The following MAP3K15 variants were observed in gnomAD, a reference collection of about 807,000 sequenced individuals.
MAP3K15 encodes MAPK/ERK kinase kinase 15.
In MAP3K15, 124 loss-of-function variants were observed where a neutral mutation model predicts 99.5. The ratio of observed to expected loss-of-function variants is 1.25; its 90% CI spans 1.08 to 1.45. The LOEUF is 1.45. Among genes scored for constraint, MAP3K15 ranks in the 40% most tolerant of loss-of-function variants. The pLI, the probability that MAP3K15 is intolerant of heterozygous loss-of-function variation, is 0.00. For missense variants in MAP3K15, 1,242 were observed against 1,079.7 expected, an observed-to-expected ratio of 1.15 and a Z score of -2.11; for synonymous variants, 494 against 439.6, an observed-to-expected ratio of 1.12 and a Z score of -1.55.
At chrX:19,399,190 T>C (rs185467405) in intron 14 of MAP3K15, among the ~76,000 whole-genome samples, 355 of 111,955 alleles carry the variant, frequency 3.2e-3, no homozygotes, top group African/African-American at 0.011. Context: ...CTTGTAATCC[T>C]AGCACTTTGG....
chrX:19,464,291 T>C lies in MAP3K15; in HGVS notation c.641A>G (p.Asp214Gly). The change falls in exon 4 of 29, where the codon GAC becomes GGC. Residue 214 changes from aspartate (D) to glycine (G), a missense_variant. Physicochemically the swap from Asp to Gly is moderately conservative, Grantham distance 94. Transcript: ENST00000338883. Reference protein sequence around the residue: ...RASEYMQPNWDNILGPLCMPL... With the variant: ...RASEYMQPNWGNILGPLCMPL... Reference sequence around the variant, plus strand: ...CATGCACAGCGGGCCCAGGATGTTGTCCCAGTTGGGCTGCATGTACTCGGA... The same window carrying C: ...CATGCACAGCGGGCCCAGGATGTTGCCCCAGTTGGGCTGCATGTACTCGGA... 8.3e-7 allele frequency: 1 copy of C among 1,200,211 alleles called. No individual in the cohort carries two copies. Among genetic ancestry groups the C allele is most frequent in the Non-Finnish European group, 1.1e-6 (1 of 895,122 alleles).
At chrX:19,487,074 T>C (rs1294435306) in intron 2 of MAP3K15, among the ~76,000 whole-genome samples, 2 of 94,158 alleles carry the variant, frequency 2.1e-5, no homozygotes, top group African/African-American at 7.8e-5. Flanking sequence ...GTAAATTTAG[T>C]ATGATAATTA....
At chrX:19,506,035 C>T (rs910932664) in intron 1 of MAP3K15, among the ~76,000 whole-genome samples, 6 of 111,561 alleles carry the variant, frequency 5.4e-5, no homozygotes, top group African/African-American at 1.6e-4. Context: ...CGAGTTCAAG[C>T]GATTCTCCTG....
At position 19,415,118 on chromosome X, in the gene MAP3K15, G is replaced by A; in HGVS notation, c.1579C>T (p.Leu527Phe). ...FEATNEVTNG[L>F]RFPVLVIEPT... ...TTAGCATATCTTACTGGAAATCTGA[G>A]TCCATTAGTGACTTCATTTGTTGCC... The change falls in exon 10 of 29, where the codon CTC becomes TTC. Residue 527 changes from leucine (L) to phenylalanine (F), a missense_variant. By Grantham distance (22) the Leu-to-Phe change is conservative (BLOSUM62 0). Coordinates refer to ENST00000338883, the MANE Select transcript of MAP3K15 (RefSeq NM_001001671.4). The A allele has an allele frequency of 8.6e-7, 1 of 1,158,517 alleles. No individual in the cohort carries two copies. The highest frequency in any genetic ancestry group is 1.1e-6 in the Non-Finnish European group (1 of 875,988).
chrX:19,413,572 C>A (rs1602285168), intron 10 of MAP3K15, 108 bp from the exon 11 acceptor site: 2 of 411,651 alleles, frequency 4.9e-6, no homozygotes, highest in East Asian at 9.9e-5. Flanking sequence ...CACTGAGGGC[C>A]AGGCACAGTG....
At chrX:19,450,921 A>G (rs1346051295) in intron 6 of MAP3K15, among the ~76,000 whole-genome samples, 1 of 109,621 alleles carries the variant, frequency 9.1e-6, no homozygotes, top group East Asian at 2.8e-4. Context: ...TTTTGTTATA[A>G]AAAGTATACA....
chrX:19,415,686 A>G (rs753663079), intron 9 of MAP3K15, among the ~76,000 whole-genome samples: 13 of 110,994 alleles, frequency 1.2e-4, no homozygotes, highest in African/African-American at 3.9e-4. Context: ...AATTTGAAAA[A>G]CTTTGCAGAT....
chrX:19,505,817 G>A (rs1216061152), intron 1 of MAP3K15, among the ~76,000 whole-genome samples: 1 of 107,652 alleles, frequency 9.3e-6, no homozygotes, highest in Admixed American at 1.0e-4. Flanking sequence ...CATGATCTTG[G>A]CTCACTGCAA....
At chrX:19,390,308 T>TC (rs1302429441) in intron 18 of MAP3K15, among the ~76,000 whole-genome samples, 1 of 83,742 alleles carries the variant, frequency 1.2e-5, no homozygotes, top group Non-Finnish European at 2.2e-5. Context: ...TTTTTCTTTT[T>TC]TTTTTTTTTT....
At chrX:19,381,120 ACT>A (rs1372254690) in intron 18 of MAP3K15, among the ~76,000 whole-genome samples, 3 of 110,464 alleles carry the variant, frequency 2.7e-5, no homozygotes, top group African/African-American at 6.6e-5. Context: ...ATAGGGTTTG[ACT>A]CTCTGCCTGG....
At chrX:19,396,995 G>A (rs1016250449) in intron 15 of MAP3K15, among the ~76,000 whole-genome samples, 2 of 109,213 alleles carry the variant, frequency 1.8e-5, no homozygotes, top group South Asian at 8.2e-4. Flanking sequence ...TGCCTCCGGG[G>A]TTCAAGCGAT....
chrX:19,391,305 C>T (rs1435715096), intron 18 of MAP3K15, among the ~76,000 whole-genome samples: 1 of 111,843 alleles, frequency 8.9e-6, no homozygotes, highest in East Asian at 2.8e-4. Flanking sequence ...GCATTACCCA[C>T]GATTTCAGAT....
rs148174570 is a variant in MAP3K15, at chrX:19,408,989, T to G, written c.1748+935A>C. On this transcript the variant is annotated intron_variant, in intron 12 of 28. Coordinates refer to ENST00000338883, the MANE Select transcript of MAP3K15 (RefSeq NM_001001671.4). ...AACTCCTTGAGGACAGAGACCATAT[T>G]TTATTCCCTTTTCTGCTGCTTTGTG... Among the ~76,000 whole-genome samples, 119 of 112,483 alleles carry G rather than the reference T, an allele frequency of 1.1e-3. 1 individual carries two copies. The highest frequency in any genetic ancestry group is 3.7e-3 in the African/African-American group (115 of 31,030).
At chrX:19,477,707 G>GAAAAA (rs770275001) in intron 3 of MAP3K15, among the ~76,000 whole-genome samples, 2 of 20,652 alleles carry the variant, frequency 9.7e-5, no homozygotes, top group African/African-American at 3.3e-4. Flanking sequence ...AAGAGTGTTA[G>GAAAAA]AAAAAAAAAA....
intron 6 of MAP3K15, among the ~76,000 whole-genome samples, chrX:19,437,882 G>T (rs2063933188): frequency 9.0e-6 from 1 of 111,256 alleles, no homozygotes; most frequent in Non-Finnish European, 1.9e-5. Context: ...AAAAACAACA[G>T]TATACCTCCT....
chrX:19,397,883 A>G (rs59970598), intron 15 of MAP3K15, among the ~76,000 whole-genome samples: 4 of 109,255 alleles, frequency 3.7e-5, no homozygotes, highest in East Asian at 2.9e-4. Context: ...TTCGAGACCA[A>G]CCTGACCAAC....
intron 15 of MAP3K15, among the ~76,000 whole-genome samples, chrX:19,396,727 A>G (rs920328163): frequency 3.6e-5 from 4 of 110,989 alleles, no homozygotes; most frequent in African/African-American, 9.8e-5. Flanking sequence ...ACCCAGATAC[A>G]TGGGTGTTTA....
chrX:19,478,510 G>C (rs904452229), intron 3 of MAP3K15, among the ~76,000 whole-genome samples: 7 of 82,574 alleles, frequency 8.5e-5, no homozygotes, highest in African/African-American at 3.2e-4. Flanking sequence ...AGGAGAAATT[G>C]TTACCCTGAC....
chrX:19,458,178 C>T (rs1413428151), intron 5 of MAP3K15, among the ~76,000 whole-genome samples: 3 of 111,731 alleles, frequency 2.7e-5, no homozygotes, highest in Non-Finnish European at 5.6e-5. Flanking sequence ...ATGCTGCTGC[C>T]CCAGGAGGGA....
Sources: gnomAD v4.1 joint callset for allele counts (sites outside exome capture counted in the v4.1 genomes callset) on GRCh38, gnomAD v4.1.1 for gene constraint, MANE v1.5 for transcripts, NCBI Gene and HGNC (gene_info 2026-07-23, HGNC 2026-07-21) for gene names.